The following HEG1 variants were observed in gnomAD, a reference collection of about 807,000 sequenced individuals.
HEG1 encodes the protein protein HEG homolog 1.
In HEG1, 56 loss-of-function variants were observed where a neutral mutation model predicts 125.6. The ratio of observed to expected loss-of-function variants is 0.45; its 90% CI spans 0.36 to 0.56. The LOEUF (loss-of-function observed/expected upper bound fraction) is 0.56, where lower values mean the gene tolerates loss of function less well. Ranked by LOEUF, HEG1 falls within the 20% of genes least tolerant of loss-of-function variation. HEG1 has a pLI of 0.00. For synonymous variants in HEG1, 644 were observed against 668.5 expected, an observed-to-expected ratio of 0.96 and a Z score of 0.57; for missense variants, 1,523 against 1,670.0, an observed-to-expected ratio of 0.91 and a Z score of 1.53.
In HEG1 at chr3:124,990,958, A is replaced by G. The variant is rs749550625; in HGVS notation, c.3681T>C (p.Asn1227=). 1.1e-5 allele frequency: 17 copies of G among 1,558,716 alleles called. No individual in the cohort carries two copies. The highest frequency in any genetic ancestry group is 1.0e-5 in the Non-Finnish European group (12 of 1,150,098). The change falls in exon 13 of 17, where the codon AAT becomes AAC. Residue 1227 remains asparagine, a synonymous_variant. Transcript: ENST00000311127. ...ATGGAGCCTACCTCATGCAGGTTTC[A>G]TTTTCAAGCCTATATCCATCTTCAC... ...RACEDGYRLE[N]ETCMSCPFGL...
At chr3:125,047,946 A>G (rs1000829162) in intron 1 of HEG1, among the ~76,000 whole-genome samples, 40 of 152,216 alleles carry the variant, frequency 2.6e-4, no homozygotes, top group African/African-American at 8.9e-4. Context: ...AGCCTATCAG[A>G]GACATCAAGA....
chr3:125,033,933 G>A (rs568286695), intron 1 of HEG1, among the ~76,000 whole-genome samples: 1 of 152,216 alleles, frequency 6.6e-6, no homozygotes, highest in Admixed American at 6.5e-5. Context: ...ATGATCTGAG[G>A]TGGAAGAGTT....
At chr3:124,983,022 G>C (rs1460356769) in intron 14 of HEG1, among the ~76,000 whole-genome samples, 1 of 152,182 alleles carries the variant, frequency 6.6e-6, no homozygotes, top group Non-Finnish European at 1.5e-5. Flanking sequence ...TGAGCCATGA[G>C]GATGCAGTCA....
chr3:125,004,807 C>T (rs1474903374), intron 9 of HEG1, among the ~76,000 whole-genome samples: 2 of 152,254 alleles, frequency 1.3e-5, no homozygotes, highest in East Asian at 1.9e-4. Context: ...AGTTCTCAAA[C>T]CCTAGGACAT....
At chr3:124,978,802 A>AAAAT (rs10673332) in intron 14 of HEG1, among the ~76,000 whole-genome samples, 62,390 of 139,816 alleles carry the variant, frequency 0.45, 14,727 homozygotes, top group Middle Eastern at 0.53. Context: ...CTCTGTCTCA[A>AAAAT]AAATAAATAA....
chr3:125,011,012 GCTTT>G (rs1295689487), intron 6 of HEG1, among the ~76,000 whole-genome samples: 1 of 152,084 alleles, frequency 6.6e-6, no homozygotes, highest in African/African-American at 2.4e-5. Context: ...TTTCTCTTGG[GCTTT>G]CTTTATCAAA....
chr3:125,010,357 C>T, intron 7 of HEG1, 82 bp downstream of exon 7: 2 of 789,602 alleles, frequency 2.5e-6, no homozygotes, highest in Non-Finnish European at 4.1e-6. Context: ...TATTTGTCCA[C>T]ATTTTGGAGG....
In HEG1 at chr3:125,007,217, A is replaced by G. The variant is rs982075453; in HGVS notation, c.3194-1849T>C. Among the ~76,000 whole-genome samples, 16 of 151,604 alleles carry G rather than the reference A, an allele frequency of 1.1e-4. No individual in the cohort carries two copies. In the East Asian group the frequency reaches 2.1e-3, roughly 20 times the overall value. On this transcript the variant is annotated intron_variant, in intron 8 of 16. Coordinates refer to ENST00000311127, the MANE Select transcript of HEG1 (RefSeq NM_020733.2). Reference sequence around the variant, plus strand: ...CCGTCTCAAAAAAAAAAAAAAAAAAAAAAGAAATTCACATCGCAAATGTCA... The same window carrying G: ...CCGTCTCAAAAAAAAAAAAAAAAAAGAAAGAAATTCACATCGCAAATGTCA...
chr3:125,052,211 C>A (rs985845819), intron 1 of HEG1, among the ~76,000 whole-genome samples: 2 of 151,622 alleles, frequency 1.3e-5, no homozygotes, highest in Admixed American at 6.6e-5. Context: ...ACCACCACCC[C>A]CAAGCCTCCG....
intron 1 of HEG1, among the ~76,000 whole-genome samples, chr3:125,038,002 C>G (rs1937562522): frequency 6.6e-6 from 1 of 152,154 alleles, no homozygotes; most frequent in Non-Finnish European, 1.5e-5. Context: ...GCCTGGTACA[C>G]AGTGAATGCT....
intron 11 of HEG1, among the ~76,000 whole-genome samples, chr3:124,998,324 C>G (rs1353996673): frequency 2.0e-5 from 3 of 152,192 alleles, no homozygotes; most frequent in African/African-American, 7.2e-5. Context: ...TAAAAAGGGA[C>G]CTAGAACCAC....
At chr3:124,970,868 T>C in intron 16 of HEG1, 67 bp from the exon 17 acceptor site, 1 of 1,340,546 alleles carries the variant, frequency 7.5e-7, no homozygotes, top group East Asian at 2.4e-5. Context: ...CAGTGTTAAA[T>C]CCCAATGATT....
In HEG1 at chr3:125,018,058, G is replaced by A. The variant is rs533411827; in HGVS notation, c.1588+1204C>T. ...AAAAAAAAATAAATTGAAAATTTACGACCACATATACACTTGTACCTGAAT... is the reference window on the plus strand; with the variant it reads ...AAAAAAAAATAAATTGAAAATTTACAACCACATATACACTTGTACCTGAAT... On this transcript the variant is annotated intron_variant, in intron 5 of 16. Transcript: ENST00000311127. Among the ~76,000 whole-genome samples the A allele has an allele frequency of 2.8e-4, 42 of 151,700 alleles. 1 individual carries two copies. In the South Asian group the frequency reaches 8.1e-3, roughly 29 times the overall value.
chr3:124,973,984 A>T, intron 15 of HEG1, 79 bp from the exon 16 acceptor site: 1 of 943,226 alleles, frequency 1.1e-6, no homozygotes, highest in Non-Finnish European at 1.6e-6. Context: ...TGATTTTATA[A>T]TGTAAATTCA....
In HEG1 at chr3:124,973,740, C is replaced by T; in HGVS notation, c.3987G>A (p.Val1329=). Residue 1329 remains valine, a synonymous_variant, in exon 16 of 17, where the codon GTG becomes GTA. Transcript: ENST00000311127. ...STKNLLQMTD[V]YYSPTSVRNP... The stretch of plus-strand genomic sequence containing the variant: ...ACACAGGAATACACACCGAGTAGTA[C>T]ACATCCGTCATCTGGAGGAGGTTTT... The T allele has an allele frequency of 1.2e-6, 2 of 1,613,558 alleles. No homozygotes were observed. The highest frequency in any genetic ancestry group is 1.3e-5 in the African/African-American group (1 of 75,018).
chr3:125,010,617 G>GTAAATATTAGCTGGGAGAAT, intron 6 of HEG1, 62 bp from the exon 7 acceptor site: 1 of 982,244 alleles, frequency 1.0e-6, no homozygotes, highest in Non-Finnish European at 1.5e-6. Context: ...GCAGCTTTAG[G>GTAAATATTAGCTGGGAGAAT]TAAATATTTA....
intron 8 of HEG1, 137 bp downstream of exon 8, chr3:125,009,568 C>T: frequency 1.2e-6 from 1 of 823,252 alleles, no homozygotes; most frequent in Non-Finnish European, 1.8e-6. Flanking sequence ...TGGACAATAG[C>T]TTCCACTTTT....
chr3:124,997,127 C>G (rs1194818079), intron 12 of HEG1, among the ~76,000 whole-genome samples: 1 of 152,182 alleles, frequency 6.6e-6, no homozygotes, highest in Non-Finnish European at 1.5e-5. Flanking sequence ...TGACAGCTTA[C>G]AAAGGGCCTC....
intron 15 of HEG1, among the ~76,000 whole-genome samples, chr3:124,975,631 C>G: frequency 6.6e-6 from 1 of 152,210 alleles, no homozygotes; most frequent in East Asian, 1.9e-4. Context: ...ACAGTTTCAT[C>G]ACCCCAAGAA....
Sources: allele counts gnomAD v4.1 joint callset (sites outside exome capture counted in the v4.1 genomes callset), GRCh38; gene constraint gnomAD v4.1.1; transcripts MANE v1.5; gene names NCBI Gene and HGNC (gene_info 2026-07-23, HGNC 2026-07-21).